The following SLC35H1 variants were observed in gnomAD, a reference collection of about 807,000 sequenced individuals.
SLC35H1 encodes the protein solute carrier family 35 member H1.
chr20:46,358,789 G>A, the SLC35H1 span: 1 of 1,377,540 alleles, frequency 7.3e-7, no homozygotes, highest in East Asian at 2.5e-5. Flanking sequence ...GGCCGCTCTG[G>A]AGCCTCAGGC....
the SLC35H1 span, among the ~76,000 whole-genome samples, chr20:46,354,114 T>G: frequency 1.3e-5 from 2 of 152,112 alleles, no homozygotes; most frequent in Admixed American, 1.3e-4. Flanking sequence ...TCTCCAGGGC[T>G]CTCCTCATCC....
chr20:46,363,721 C>T, the SLC35H1 span, among the ~76,000 whole-genome samples: 1 of 152,214 alleles, frequency 6.6e-6, no homozygotes. Flanking sequence ...CTCTTTCGCC[C>T]CTAAGGCCTG....
chr20:46,362,579 T>A, the SLC35H1 span, among the ~76,000 whole-genome samples: 3 of 152,288 alleles, frequency 2.0e-5, no homozygotes, highest in South Asian at 6.2e-4. Flanking sequence ...TGGCATCAGG[T>A]ACAGCATTAA....
chr20:46,355,890 C>G, the SLC35H1 span: 7 of 1,613,994 alleles, frequency 4.3e-6, no homozygotes, highest in Non-Finnish European at 5.9e-6. The surrounding 1 kb of genome is among the most constrained non-coding windows in gnomAD (Gnocchi z 4.8). Flanking sequence ...AGCAAAATTA[C>G]CCACAATGCA....
chr20:46,362,438 G>A, the SLC35H1 span, among the ~76,000 whole-genome samples: 2 of 152,152 alleles, frequency 1.3e-5, no homozygotes, highest in African/African-American at 2.4e-5. Context: ...TGTAACTTGG[G>A]CAGCATGGTT....
chr20:46,361,920 T>C, the SLC35H1 span, among the ~76,000 whole-genome samples: 1 of 152,188 alleles, frequency 6.6e-6, no homozygotes, highest in Admixed American at 6.5e-5. Context: ...GCTCCTGCTT[T>C]TGCTGCATTT....
the SLC35H1 span, among the ~76,000 whole-genome samples, chr20:46,361,690 T>C: frequency 6.6e-6 from 1 of 152,176 alleles, no homozygotes; most frequent in Non-Finnish European, 1.5e-5. Context: ...CCATCCCAAG[T>C]TGTGATACCC....
At chr20:46,357,684 G>A in the SLC35H1 span, 2 of 1,614,184 alleles carry the variant, frequency 1.2e-6, no homozygotes, top group Non-Finnish European at 1.7e-6. Context: ...CCCTGTGGCT[G>A]GAGCACTGAA....
At chr20:46,358,447 C>G in the SLC35H1 span, 1 of 1,614,220 alleles carries the variant, frequency 6.2e-7, no homozygotes, top group Non-Finnish European at 8.5e-7. Flanking sequence ...AGAGAAGCAC[C>G]AGCCCCAGGG....
chr20:46,363,403 A>G, the SLC35H1 span, among the ~76,000 whole-genome samples: 2 of 152,204 alleles, frequency 1.3e-5, no homozygotes. Context: ...TGCACTCCAA[A>G]TATCTAAAAC....
chr20:46,354,948 C>T, the SLC35H1 span: 5 of 1,613,748 alleles, frequency 3.1e-6, no homozygotes, highest in Admixed American at 3.3e-5. Flanking sequence ...AACATGGTGT[C>T]GATGGGATTC....
the SLC35H1 span, chr20:46,350,532 TAGAG>T: frequency 6.3e-7 from 1 of 1,582,856 alleles, no homozygotes; most frequent in Non-Finnish European, 8.6e-7. Flanking sequence ...CACCTTGGGA[TAGAG>T]AGAGACCACA....
chr20:46,355,228 A>C, the SLC35H1 span: 8 of 1,613,664 alleles, frequency 5.0e-6, no homozygotes, highest in South Asian at 8.8e-5. This position sits in a 1 kb window ranked among gnomAD's most constrained non-coding sequence, Gnocchi z 4.8. Flanking sequence ...GACCACCAGG[A>C]CCAGTGCCGC....
chr20:46,355,230 C>T, the SLC35H1 span: 1 of 1,613,508 alleles, frequency 6.2e-7, no homozygotes, highest in African/African-American at 1.3e-5. This position sits in a 1 kb window ranked among gnomAD's most constrained non-coding sequence, Gnocchi z 4.8. Flanking sequence ...CCACCAGGAC[C>T]AGTGCCGCGC....
chr20:46,357,360 G>T, the SLC35H1 span, among the ~76,000 whole-genome samples: 1 of 152,266 alleles, frequency 6.6e-6, no homozygotes, highest in Non-Finnish European at 1.5e-5. Context: ...TCCAGGCTCG[G>T]TGTCTGCTGG....
At chr20:46,354,161 C>T in the SLC35H1 span, among the ~76,000 whole-genome samples, 2 of 152,160 alleles carry the variant, frequency 1.3e-5, no homozygotes, top group East Asian at 3.8e-4. Context: ...TGACCATGTC[C>T]CCAGGCTCCT....
chr20:46,355,208 C>T, the SLC35H1 span: 9 of 1,613,898 alleles, frequency 5.6e-6, no homozygotes, highest in East Asian at 6.7e-5. The surrounding 1 kb of genome is among the most constrained non-coding windows in gnomAD (Gnocchi z 4.8). Context: ...AGACCCCCGG[C>T]GATGAGGAGG....
At chr20:46,356,981 G>A in the SLC35H1 span, among the ~76,000 whole-genome samples, 1 of 150,256 alleles carries the variant, frequency 6.7e-6, no homozygotes, top group Non-Finnish European at 1.5e-5. Context: ...CTCCTCCACG[G>A]GGAATCCGGC....
chr20:46,350,655 G>A, the SLC35H1 span: 10 of 1,526,872 alleles, frequency 6.5e-6, no homozygotes, highest in Non-Finnish European at 8.9e-6. Context: ...CTTCCTAGAG[G>A]AGTGACGGCA....
Sources: allele counts gnomAD v4.1 joint callset (sites outside exome capture counted in the v4.1 genomes callset), GRCh38; gene constraint gnomAD v4.1.1; non-coding constraint Gnocchi (gnomAD v3.1); transcripts MANE v1.5; gene names NCBI Gene and HGNC (gene_info 2026-07-23, HGNC 2026-07-21).